Variants in ATP2A3 observed in about 807,000 individuals in gnomAD.
The protein encoded by ATP2A3 is sarcoplasmic/endoplasmic reticulum calcium ATPase 3.
In ATP2A3, 61 loss-of-function variants were observed where a neutral mutation model predicts 106.8. The ratio of observed to expected loss-of-function variants is 0.57; its 90% CI spans 0.46 to 0.71. The LOEUF is 0.71. Ranked by LOEUF, ATP2A3 falls within the 30% of genes least tolerant of loss-of-function variation. The pLI, the probability that ATP2A3 is intolerant of heterozygous loss-of-function variation, is 0.00. For missense variants in ATP2A3, 1,201 were observed against 1,423.5 expected, an observed-to-expected ratio of 0.84 and a Z score of 2.52; for synonymous variants, 611 against 609.3, an observed-to-expected ratio of 1.00 and a Z score of -0.04.
chr17:3,941,728 G>C, intron 12 of ATP2A3, 74 bp from the exon 13 acceptor site: 2 of 1,504,924 alleles, frequency 1.3e-6, no homozygotes, highest in Non-Finnish European at 1.8e-6. Context: ...CCAAACTCAG[G>C]AAACTGAGAC....
rs1366547577 is a variant in ATP2A3 at position 3,955,158 on chromosome 17, T to G, written c.119-1448A>C. The stretch of plus-strand genomic sequence containing the variant: ...TCTGTGGCATCTCCCCGAAGCTCGT[T>G]AGCCATGCGGAATCTGAGGCCCCGG... On this transcript the variant is annotated intron_variant, in intron 1 of 20. Transcript: ENST00000397041. The surrounding 1 kb of genome is among the most constrained non-coding windows in gnomAD (Gnocchi z 4.2). Among the ~76,000 whole-genome samples the G allele has an allele frequency of 6.6e-6, 1 of 152,252 alleles. No individual in the cohort carries two copies. Among genetic ancestry groups the G allele is most frequent in the East Asian group, 1.9e-4 (1 of 5,196 alleles).
At position 3,936,903 on chromosome 17, in the gene ATP2A3, A is replaced by G; in HGVS notation, c.2322-434T>C. On this transcript the variant is annotated intron_variant, in intron 15 of 20. Coordinates refer to ENST00000397041, the MANE Select transcript of ATP2A3 (RefSeq NM_005173.4). The surrounding 1 kb of genome is among the most constrained non-coding windows in gnomAD (Gnocchi z 5.4). ...TCCATGTCCAGCAACACACACGCTC[A>G]CCATTCCCCACAGGCATCCTCACAT... 2 of 325,240 alleles carry G rather than the reference A, an allele frequency of 6.1e-6. No homozygotes were observed. The highest frequency in any genetic ancestry group is 1.2e-5 in the Non-Finnish European group (2 of 167,028). The allele number at this position is 325,240 out of a possible 1,614,324, so 20.1% of individuals were successfully genotyped here.
In ATP2A3 at chr17:3,945,129, G is replaced by T. The variant is rs370535399; in HGVS notation, c.1115C>A (p.Ala372Asp). The part of the protein sequence containing the change: ...SVCRMFVVAE[A>D]DAGSCLLHEF... ...GTGCAAAAGGCAGGAGCCCGCATCG[G>T]CCTCGGCTACCACGAACATCTGGGG... Residue 372 changes from alanine (A) to aspartate (D), a missense_variant, in exon 9 of 21, where the codon GCC becomes GAC. Ala to Asp is a moderately radical substitution (Grantham distance 126). Coordinates refer to ENST00000397041, the MANE Select transcript of ATP2A3 (RefSeq NM_005173.4). The T allele has an allele frequency of 5.2e-5, 81 of 1,547,904 alleles. No homozygotes were observed. Among genetic ancestry groups the T allele is most frequent in the Non-Finnish European group, 6.7e-5 (77 of 1,145,868 alleles).
intron 1 of ATP2A3, among the ~76,000 whole-genome samples, chr17:3,961,640 A>G (rs2055143284): frequency 6.6e-6 from 1 of 152,164 alleles, no homozygotes; most frequent in African/African-American, 2.4e-5. Context: ...GCAGGTGCAC[A>G]GACTCCTGGG....
chr17:3,961,291 C>G (rs933319738), intron 1 of ATP2A3, among the ~76,000 whole-genome samples: 9 of 152,186 alleles, frequency 5.9e-5, no homozygotes, highest in African/African-American at 2.2e-4. Context: ...AAAAGATGTA[C>G]AAGTAAAAGC....
chr17:3,932,040 G>A (rs1170589177), intron 17 of ATP2A3, among the ~76,000 whole-genome samples: 1 of 152,240 alleles, frequency 6.6e-6, no homozygotes, highest in East Asian at 1.9e-4. Context: ...CAAAGAGATA[G>A]AGAATCTGAT....
intron 1 of ATP2A3, among the ~76,000 whole-genome samples, chr17:3,958,164 CCT>C (rs1161378519): frequency 6.6e-6 from 1 of 152,194 alleles, no homozygotes; most frequent in Non-Finnish European, 1.5e-5. Context: ...TACCTAATCC[CCT>C]GTGTCTGTTT....
Position 3,928,577 on chromosome 17 carries a change from G to A in ATP2A3, c.2980+86C>T, listed in dbSNP as rs1387379732. On this transcript the variant is annotated intron_variant, in intron 20 of 20. Coordinates refer to ENST00000397041, the MANE Select transcript of ATP2A3 (RefSeq NM_005173.4). The surrounding 1 kb of genome is among the most constrained non-coding windows in gnomAD (Gnocchi z 6.1). ...CGATGTGCAGACAGAGAGGCTCTGCGCTCCACACCCACAGCGTCCACTGCA... is the reference window on the plus strand; with the variant it reads ...CGATGTGCAGACAGAGAGGCTCTGCACTCCACACCCACAGCGTCCACTGCA... 5 of 1,242,982 alleles carry A rather than the reference G, an allele frequency of 4.0e-6. No homozygotes were observed. Among genetic ancestry groups the A allele is most frequent in the East Asian group, 2.5e-5 (1 of 39,352 alleles). 77.0% of individuals were successfully genotyped at this position (1,242,982 alleles called of 1,614,324 possible). A position where few individuals can be genotyped will look rare whatever the true frequency, so the allele number is the denominator to read the frequency against.
chr17:3,932,012 C>T (rs914141282), intron 17 of ATP2A3, among the ~76,000 whole-genome samples: 2 of 152,178 alleles, frequency 1.3e-5, no homozygotes, highest in Admixed American at 1.3e-4. Flanking sequence ...GAGAAATAAG[C>T]CTGGCTAGAT....
chr17:3,935,370 G>A, intron 16 of ATP2A3, 93 bp from the exon 17 acceptor site: 1 of 1,244,016 alleles, frequency 8.0e-7, no homozygotes, highest in South Asian at 1.2e-5. Context: ...TTCCCTGCAG[G>A]GAGCCACCCT....
Position 3,936,437 on chromosome 17 carries a change from T to G in ATP2A3, c.2354A>C (p.Glu785Ala). The G allele has an allele frequency of 6.2e-7, 1 of 1,614,016 alleles. No homozygotes were observed. Reference sequence around the variant, plus strand: ...GAGCAGCTGCACAGGGATCAGGGCTTCGGGCAGGCCCAGAATTGCCGTGAG... The same window carrying G: ...GAGCAGCTGCACAGGGATCAGGGCTGCGGGCAGGCCCAGAATTGCCGTGAG... Reference protein sequence around the residue: ...IFLTAILGLPEALIPVQLLWV... With the variant: ...IFLTAILGLPAALIPVQLLWV... Residue 785 changes from glutamate to alanine, a missense_variant, in exon 16 of 21, where the codon GAA (glutamate) becomes GCA (alanine). Coordinates refer to ENST00000397041, the MANE Select transcript of ATP2A3 (RefSeq NM_005173.4). The surrounding 1 kb of genome is among the most constrained non-coding windows in gnomAD (Gnocchi z 5.4).
intron 1 of ATP2A3, among the ~76,000 whole-genome samples, chr17:3,956,376 C>T (rs923223791): frequency 6.6e-6 from 1 of 152,100 alleles, no homozygotes; most frequent in African/African-American, 2.4e-5. Context: ...GATGTGTATT[C>T]GTGCCAGGTT....
intron 1 of ATP2A3, among the ~76,000 whole-genome samples, 168 bp downstream of exon 1, chr17:3,964,006 G>C (rs758739982): frequency 1.7e-4 from 26 of 151,934 alleles, no homozygotes; most frequent in Admixed American, 1.7e-3. Context: ...CCCCGGCGCC[G>C]GCGAAGGTGG....
At position 3,961,547 on chromosome 17, in the gene ATP2A3, G is replaced by A. The variant is rs541086474; in HGVS notation, c.118+2627C>T. On this transcript the variant is annotated intron_variant, in intron 1 of 20. Transcript: ENST00000397041. Reference sequence around the variant, plus strand: ...GAAGGTGGGGGTGGGATGCCCAGCCGCTGCCTCCCTCCCCTGGCAGAATTT... The same window carrying A: ...GAAGGTGGGGGTGGGATGCCCAGCCACTGCCTCCCTCCCCTGGCAGAATTT... Among the ~76,000 whole-genome samples the A allele has an allele frequency of 1.6e-4, 24 of 152,264 alleles. 1 individual carries two copies. The South Asian group carries it at 3.7e-3, about 24-fold the overall frequency.
intron 12 of ATP2A3, among the ~76,000 whole-genome samples, 178 bp from the exon 13 acceptor site, chr17:3,941,832 CCCTGT>C (rs1318075124): frequency 2.6e-5 from 4 of 152,190 alleles, no homozygotes; most frequent in Non-Finnish European, 4.4e-5. Context: ...AAGTGGGTCC[CCCTGT>C]GAGACAATCT....
chr17:3,925,481 A>G lies in ATP2A3; in HGVS notation c.2981-40T>C, dbSNP rs2052654097. On this transcript the variant is annotated intron_variant, in intron 20 of 20. Transcript: ENST00000397041. The surrounding 1 kb of genome is among the most constrained non-coding windows in gnomAD (Gnocchi z 4.2). ...CAAGAGCGCGTTAAGATGTATGTGT[A>G]AGGGCACACATCCAGACAGCTTCCT... 2.5e-6 allele frequency: 4 copies of G among 1,598,514 alleles called. No individual in the cohort carries two copies. The Admixed American group carries it at 5.2e-5, about 21-fold the overall frequency.
chr17:3,939,454 A>G (rs2053616823), intron 14 of ATP2A3, among the ~76,000 whole-genome samples: 1 of 152,092 alleles, frequency 6.6e-6, no homozygotes, highest in Non-Finnish European at 1.5e-5. Context: ...GAATGGTTCA[A>G]TAAACTGAAA....
chr17:3,928,689 T>G lies in ATP2A3; in HGVS notation c.2954A>C (p.Lys985Thr). 3.9e-6 allele frequency: 6 copies of G among 1,551,246 alleles called. No individual in the cohort carries two copies. Among genetic ancestry groups the G allele is most frequent in the Non-Finnish European group, 4.4e-6 (5 of 1,147,104 alleles). ...GTGCATGTGGTTCCGGGACAGGTACTTGAGGGCCTCATCCAGCAGGATGAC... is the reference window on the plus strand; with the variant it reads ...GTGCATGTGGTTCCGGGACAGGTACGTGAGGGCCTCATCCAGCAGGATGAC... ...LPVILLDEAL[K>T]YLSRNHMHEE... is the part of the protein sequence containing the mutation. Residue 985 changes from lysine (K) to threonine (T), a missense_variant, in exon 20 of 21, where the codon AAG becomes ACG. Physicochemically the swap from Lys to Thr is moderately conservative, Grantham distance 78. Around this residue, in one of 2 missense-constraint regions of ATP2A3, gnomAD observed 935 missense variants for 1,176.7 expected, o/e 0.79. Transcript: ENST00000397041. The surrounding 1 kb of genome is among the most constrained non-coding windows in gnomAD (Gnocchi z 6.1).
chr17:3,945,205 G>C, intron 8 of ATP2A3, 57 bp from the exon 9 acceptor site: 1 of 1,506,604 alleles, frequency 6.6e-7, no homozygotes, highest in Non-Finnish European at 9.0e-7. Context: ...CTCCCCGGGC[G>C]GCCAGTCGAC....
Sources: allele counts gnomAD v4.1 joint callset (sites outside exome capture counted in the v4.1 genomes callset), GRCh38; gene constraint gnomAD v4.1.1; regional missense constraint gnomAD v4.1.1; non-coding constraint Gnocchi (gnomAD v3.1); transcripts MANE v1.5; gene names NCBI Gene and HGNC (gene_info 2026-07-23, HGNC 2026-07-21).